Variants in CD72 observed in about 807,000 individuals in gnomAD.
CD72 encodes CD72 molecule.
A neutral mutation model predicts 50.7 loss-of-function variants in CD72; 28 were observed. That is an observed-to-expected ratio of 0.55 (90% CI 0.41 to 0.76). The LOEUF (loss-of-function observed/expected upper bound fraction) is 0.76, where lower values mean the gene tolerates loss of function less well. Ranked by LOEUF, CD72 falls within the 30% of genes least tolerant of loss-of-function variation. CD72 has a pLI of 0.00. For missense variants in CD72, 403 were observed against 420.6 expected (o/e 0.96, Z 0.37); for synonymous variants, 176 against 171.2 (o/e 1.03, Z -0.22).
At chr9:35,632,466 G>T (rs556776072) in intron 1 of CD72, among the ~76,000 whole-genome samples, 1 of 150,850 alleles carries the variant, frequency 6.6e-6, no homozygotes, top group African/African-American at 2.4e-5. Context: ...CACTGTGCCC[G>T]GCCTTCTCCT....
At chr9:35,616,410 T>TA in intron 4 of CD72, 132 bp from the exon 5 acceptor site, 1 of 862,396 alleles carries the variant, frequency 1.2e-6, no homozygotes, top group African/African-American at 1.7e-5. Flanking sequence ...TTTGACTGAC[T>TA]AAAGCGTAAG....
chr9:35,646,838 G>A (rs1272940365), upstream of CD72: 1 of 152,232 alleles, frequency 6.6e-6, no homozygotes, highest in Non-Finnish European at 1.5e-5. Context: ...ACCCTGGGGT[G>A]GCCCCGAAGC....
upstream of CD72, among the ~76,000 whole-genome samples, chr9:35,620,772 G>C (rs745900692): frequency 3.3e-5 from 5 of 152,188 alleles, no homozygotes; most frequent in African/African-American, 1.2e-4. Flanking sequence ...GCAGTGAGCC[G>C]AGATTGTGCC....
Position 35,616,087 on chromosome 9 carries a change from C to G in CD72, c.544G>C (p.Glu182Gln). ...QVEQRAHQAAEGQLQACQADR... is the reference protein window; with the variant it reads ...QVEQRAHQAAQGQLQACQADR... ...GCCTGGCAGGCCTGTAGCTGCCCTTCGGCCGCCTGATGAGCCCTCTGTTCC... is the reference window on the plus strand; with the variant it reads ...GCCTGGCAGGCCTGTAGCTGCCCTTGGGCCGCCTGATGAGCCCTCTGTTCC... The change falls in exon 5 of 9, where the codon GAA becomes CAA. Residue 182 changes from glutamate to glutamine, a missense_variant. Physicochemically the swap from Glu to Gln is conservative, Grantham distance 29. Coordinates refer to ENST00000259633, the MANE Select transcript of CD72 (RefSeq NM_001782.3). 2.5e-6 allele frequency: 4 copies of G among 1,614,188 alleles called. No homozygotes were observed. Among genetic ancestry groups the G allele is most frequent in the Non-Finnish European group, 3.4e-6 (4 of 1,180,046 alleles).
chr9:35,641,509 A>G lies in CD72; in HGVS notation n.408+4894T>C, dbSNP rs552226498. ...GGTGCTATCAATGCCTAAGTGAAAG[A>G]TTTGGTGAAGGGTTTAAAGTAATTT... On this transcript the variant is annotated intron_variant and non_coding_transcript_variant, in intron 1 of 3. Transcript: ENST00000465754. Among the ~76,000 whole-genome samples the G allele has an allele frequency of 5.3e-5, 8 of 152,220 alleles. No individual in the cohort carries two copies. In the South Asian group the frequency reaches 1.7e-3, roughly 32 times the overall value.
At position 35,612,978 on chromosome 9, in the gene CD72, G is replaced by A. The variant is rs139792014; in HGVS notation, c.704C>T (p.Ser235Leu). Residue 235 changes from serine to leucine, a missense_variant, in exon 6 of 9, where the codon TCG (serine) becomes TTG (leucine). Physicochemically the swap from Ser to Leu is moderately radical, Grantham distance 145. Coordinates refer to ENST00000259633, the MANE Select transcript of CD72 (RefSeq NM_001782.3). Reference protein sequence around the residue: ...TCGSADTCCPSGWIMHQKSCF... With the variant: ...TCGSADTCCPLGWIMHQKSCF... ...GCTTTTCTGATGCATTATCCATCCCGACGGACAGCAGGTGTCTAAAAAGCA... is the reference window on the plus strand; with the variant it reads ...GCTTTTCTGATGCATTATCCATCCCAACGGACAGCAGGTGTCTAAAAAGCA... 121 of 1,611,420 alleles carry A rather than the reference G, an allele frequency of 7.5e-5. No homozygotes were observed. The highest frequency in any genetic ancestry group is 9.8e-5 in the Non-Finnish European group (115 of 1,178,122).
chr9:35,627,364 A>G (rs1823205220), intron 1 of CD72, among the ~76,000 whole-genome samples: 1 of 147,384 alleles, frequency 6.8e-6, no homozygotes, highest in Admixed American at 6.8e-5. Flanking sequence ...TCCTGAGCTC[A>G]AGCAATTCAC....
At chr9:35,622,711 C>T (rs925234303), upstream of CD72, among the ~76,000 whole-genome samples, 5 of 151,882 alleles carry the variant, frequency 3.3e-5, no homozygotes, top group Admixed American at 1.3e-4. Flanking sequence ...CGCTTAAACC[C>T]GGGAGGCAGA....
intron 1 of CD72, among the ~76,000 whole-genome samples, chr9:35,642,333 T>C (rs1823348086): frequency 6.6e-6 from 1 of 152,218 alleles, no homozygotes; most frequent in Non-Finnish European, 1.5e-5. Flanking sequence ...GATATTTAAG[T>C]AAATGGTTGT....
upstream of CD72, among the ~76,000 whole-genome samples, chr9:35,623,290 C>T (rs1823161882): frequency 6.6e-6 from 1 of 152,138 alleles, no homozygotes. Context: ...TTGAAGGGAT[C>T]TTAGAGAGCC....
At chr9:35,641,125 C>T (rs893913083) in intron 1 of CD72, among the ~76,000 whole-genome samples, 2 of 152,060 alleles carry the variant, frequency 1.3e-5, no homozygotes, top group Admixed American at 6.6e-5. Context: ...GGCTGATGAC[C>T]GCTGTAACTG....
chr9:35,616,574 TG>T lies in CD72; in HGVS notation c.352+25del, dbSNP rs1823067550. 4 of 1,574,182 alleles carry T rather than the reference TG, an allele frequency of 2.5e-6. No individual in the cohort carries two copies. The East Asian group carries it at 9.0e-5, about 35-fold the overall frequency. On this transcript the variant is annotated intron_variant, in intron 4 of 8. Coordinates refer to ENST00000259633, the MANE Select transcript of CD72 (RefSeq NM_001782.3). ...CGGGACGAAAGTCGTTCGGTGTAAG[TG>T]GGAAGTAGGGACAGCCTTACTCACA...
chr9:35,616,742 G>C, intron 3 of CD72, 53 bp from the exon 4 acceptor site: 2 of 1,466,392 alleles, frequency 1.4e-6, no homozygotes, highest in Non-Finnish European at 9.5e-7. Flanking sequence ...AAAGAATGTA[G>C]AGAGGAAGGG....
At chr9:35,646,335 C>T (rs564854886) in intron 1 of CD72, 1 of 152,332 alleles carries the variant, frequency 6.6e-6, no homozygotes, top group Non-Finnish European at 1.5e-5. Context: ...GAACGGGGCG[C>T]TAGGACGGGC....
chr9:35,615,501 A>G (rs1823050549), intron 5 of CD72, among the ~76,000 whole-genome samples: 1 of 151,842 alleles, frequency 6.6e-6, no homozygotes, highest in Admixed American at 6.6e-5. Flanking sequence ...TTGCCCCACC[A>G]CCAGGTTGCA....
At chr9:35,641,844 T>G (rs1823343317) in intron 1 of CD72, among the ~76,000 whole-genome samples, 1 of 152,242 alleles carries the variant, frequency 6.6e-6, no homozygotes. Flanking sequence ...CAGCCAATAG[T>G]AATCTCCTAA....
intron 2 of CD72, among the ~76,000 whole-genome samples, chr9:35,617,796 G>A (rs543016166): frequency 1.1e-3 from 169 of 152,266 alleles, no homozygotes; most frequent in African/African-American, 3.8e-3. Flanking sequence ...CATGGCATGG[G>A]GGCGCACGCC....
At chr9:35,616,902 C>CG (rs1229415558) in intron 3 of CD72, 3 of 1,205,002 alleles carry the variant, frequency 2.5e-6, no homozygotes, top group African/African-American at 1.7e-5. Flanking sequence ...GGTGGGGACT[C>CG]GGGGGCGTTA....
At chr9:35,627,505 A>G (rs1018003022) in intron 1 of CD72, among the ~76,000 whole-genome samples, 3 of 152,108 alleles carry the variant, frequency 2.0e-5, no homozygotes, top group African/African-American at 7.2e-5. Context: ...ACCTGAACCC[A>G]CAATATCTCT....
Sources: allele counts gnomAD v4.1 joint callset (sites outside exome capture counted in the v4.1 genomes callset), GRCh38; gene constraint gnomAD v4.1.1; transcripts MANE v1.5; gene names NCBI Gene and HGNC (gene_info 2026-07-23, HGNC 2026-07-21).